Variants in POM121C observed in about 807,000 individuals in gnomAD.
POM121C encodes nuclear envelope pore membrane protein POM 121C.
Under a neutral mutation model 66.4 loss-of-function variants are expected in POM121C, and 20 were observed. The ratio of observed to expected loss-of-function variants is 0.30; its 90% CI spans 0.21 to 0.44. The LOEUF (loss-of-function observed/expected upper bound fraction) is 0.44, where lower values mean the gene tolerates loss of function less well. Ranked by LOEUF, POM121C falls within the 20% of genes least tolerant of loss-of-function variation. POM121C has a pLI of 1.00. For missense variants in POM121C, 580 were observed against 1,225.7 expected, an observed-to-expected ratio of 0.47 and a Z score of 7.87; for synonymous variants, 286 against 528.0, an observed-to-expected ratio of 0.54 and a Z score of 6.28.
intron 3 of POM121C, chr7:75,442,088 C>A: frequency 7.3e-7 from 1 of 1,364,522 alleles, no homozygotes; most frequent in East Asian, 2.8e-5. Context: ...AAAGTCAAGT[C>A]CTCGATTTCA....
rs1163514076 is a variant in POM121C, at chr7:75,417,211, A to ATTAT, written c.*1581_*1584dup. ...GGGGCACCGGTTACATCTACATCAC[A>ATTAT]TTATTTATAAAATAAGAATTACATT... On this transcript the variant is annotated 3_prime_UTR_variant, in exon 15 of 15. Transcript: ENST00000615331. 1.0e-6 allele frequency: 1 copy of ATTAT among 955,756 alleles called. No homozygotes were observed. Among genetic ancestry groups the ATTAT allele is most frequent in the Non-Finnish European group, 1.2e-6 (1 of 801,490 alleles). 59.2% of individuals were successfully genotyped at this position (955,756 alleles called of 1,614,324 possible). A position where few individuals can be genotyped will look rare whatever the true frequency, so the allele number is the denominator to read the frequency against.
intron 3 of POM121C, among the ~76,000 whole-genome samples, chr7:75,474,027 G>A (rs1791974876): frequency 6.6e-6 from 1 of 152,116 alleles, no homozygotes; most frequent in Non-Finnish European, 1.5e-5. Flanking sequence ...GAAAGAAAAT[G>A]GAAGATAAAA....
chr7:75,421,628 G>A lies in POM121C; in HGVS notation c.2624C>T (p.Thr875Ile), dbSNP rs782082020. ...CCCTGTGAAGGGGGTGGAGGTGGCT[G>A]TGCTCCCACTCTGTCCTGCTCCAAA... ...FSFGAGQSGS[T>I]ATSTPFTGGL... Residue 875 changes from threonine (T) to isoleucine (I), a missense_variant, in exon 13 of 15, where the codon ACA becomes ATA. Coordinates refer to ENST00000615331, the MANE Select transcript of POM121C (RefSeq NM_001099415.3). The A allele has an allele frequency of 3.7e-6, 6 of 1,613,464 alleles. No individual in the cohort carries two copies. In the East Asian group the frequency reaches 8.9e-5, roughly 24 times the overall value.
rs372258245 is a variant in POM121C at position 75,439,239 on chromosome 7, A to G, written c.228-15T>C. ...TATCATGGCGCCTGCGACAAATCAA[A>G]AAAGTCTCAAATGAAATGACATGAC... is the stretch of plus-strand genomic sequence containing the variant. On this transcript the variant is annotated splice_polypyrimidine_tract_variant and intron_variant, in intron 5 of 14. Coordinates refer to ENST00000615331, the MANE Select transcript of POM121C (RefSeq NM_001099415.3). 2 of 1,614,210 alleles carry G rather than the reference A, an allele frequency of 1.2e-6. No homozygotes were observed. Among genetic ancestry groups the G allele is most frequent in the Non-Finnish European group, 1.7e-6 (2 of 1,180,004 alleles).
At chr7:75,440,909 G>A (rs1554473837) in intron 5 of POM121C, 45 bp downstream of exon 5, 1 of 1,613,710 alleles carries the variant, frequency 6.2e-7, no homozygotes, top group Admixed American at 1.7e-5. Context: ...CATCCCATAG[G>A]GGTCCAAGCG....
At chr7:75,454,953 T>C (rs1490045583) in intron 3 of POM121C, among the ~76,000 whole-genome samples, 1 of 152,220 alleles carries the variant, frequency 6.6e-6, no homozygotes. Flanking sequence ...GATTGAATGG[T>C]CTCGAGCTGC....
At chr7:75,427,981 A>G (rs2116352964) in intron 7 of POM121C, among the ~76,000 whole-genome samples, 1 of 152,342 alleles carries the variant, frequency 6.6e-6, no homozygotes, top group South Asian at 2.1e-4. Flanking sequence ...GCCAGAGCAC[A>G]ATGGTTTAAA....
intron 6 of POM121C, 111 bp downstream of exon 6, chr7:75,439,033 C>T (rs1236425144): frequency 8.3e-7 from 1 of 1,202,780 alleles, no homozygotes; most frequent in Non-Finnish European, 1.2e-6. Context: ...AGACATGAAC[C>T]TGAACTAATT....
At chr7:75,450,818 T>C (rs1351145713) in intron 3 of POM121C, among the ~76,000 whole-genome samples, 7 of 152,348 alleles carry the variant, frequency 4.6e-5, no homozygotes, top group African/African-American at 1.4e-4. Flanking sequence ...AGTTACTACC[T>C]TGCAATATTC....
chr7:75,430,853 G>GA (rs1413746319), intron 7 of POM121C, among the ~76,000 whole-genome samples: 4 of 152,078 alleles, frequency 2.6e-5, no homozygotes, highest in Non-Finnish European at 5.9e-5. Flanking sequence ...GAGGTGGGCA[G>GA]ATCATGAGGT....
In POM121C at chr7:75,424,054, C is replaced by A. The variant is rs587740924; in HGVS notation, c.1043G>T (p.Cys348Phe). ...KMQTPPSLPPCPESAGAATTE... is the reference protein window; with the variant it reads ...KMQTPPSLPPFPESAGAATTE... ...ACGGCCCCACTCCAGCTCACCTGGGCAGGGTGGCAGGCTCGGGGGAGTCTG... is the reference window on the plus strand; with the variant it reads ...ACGGCCCCACTCCAGCTCACCTGGGAAGGGTGGCAGGCTCGGGGGAGTCTG... The change falls in exon 12 of 15, where the codon TGC becomes TTC. Residue 348 changes from cysteine (C) to phenylalanine (F), a missense_variant. Coordinates refer to ENST00000615331, the MANE Select transcript of POM121C (RefSeq NM_001099415.3). 1 of 1,611,368 alleles carries A rather than the reference C, an allele frequency of 6.2e-7. No individual in the cohort carries two copies. The highest frequency in any genetic ancestry group is 1.3e-5 in the African/African-American group (1 of 74,882).
chr7:75,424,167 A>G lies in POM121C; in HGVS notation c.930T>C (p.Phe310=). The G allele has an allele frequency of 6.2e-7, 1 of 1,612,018 alleles. No individual in the cohort carries two copies. Among genetic ancestry groups the G allele is most frequent in the Non-Finnish European group, 8.5e-7 (1 of 1,179,856 alleles). The change falls in exon 12 of 15, where the codon TTT becomes TTC. Residue 310 remains phenylalanine (F), a synonymous_variant. Coordinates refer to ENST00000615331, the MANE Select transcript of POM121C (RefSeq NM_001099415.3). ...AGGCAGTTGCAGCAGCAGGCAGGGT[A>G]AAGGTAAATGAAGGCTGAGTGGTAG... The part of the protein sequence containing the change: ...TPPTTQPSFT[F]TLPAAATASP...
chr7:75,451,008 A>G (rs1303278755), intron 3 of POM121C, among the ~76,000 whole-genome samples: 1 of 152,126 alleles, frequency 6.6e-6, no homozygotes, highest in Non-Finnish European at 1.5e-5. Flanking sequence ...ACTACAAACC[A>G]CTGCTCAAGG....
intron 1 of POM121C, among the ~76,000 whole-genome samples, chr7:75,479,815 T>C (rs1358270783): frequency 6.6e-6 from 1 of 152,050 alleles, no homozygotes; most frequent in Non-Finnish European, 1.5e-5. Context: ...GAATAAACTA[T>C]GACAATTAAA....
chr7:75,464,856 C>CAAAAAAAAAAAAAAAAAAAAAAAAAAAA (rs35562594), intron 3 of POM121C, among the ~76,000 whole-genome samples: 3 of 28,782 alleles, frequency 1.0e-4, no homozygotes, highest in African/African-American at 2.2e-4. Flanking sequence ...AACTCCATCT[C>CAAAAAAAAAAAAAAAAAAAAAAAAAAAA]AAAAAAAAAA....
At chr7:75,431,166 T>C (rs1177495351) in intron 7 of POM121C, among the ~76,000 whole-genome samples, 5 of 151,474 alleles carry the variant, frequency 3.3e-5, no homozygotes, top group African/African-American at 1.2e-4. Flanking sequence ...AAACAGTTGG[T>C]ATTTCAGTAA....
chr7:75,470,144 G>C (rs1791813975), intron 3 of POM121C, among the ~76,000 whole-genome samples: 2 of 145,578 alleles, frequency 1.4e-5, no homozygotes, highest in African/African-American at 5.1e-5. Context: ...TCGAACTCCT[G>C]AACTCGGCCT....
At chr7:75,473,109 G>A (rs1485811447) in intron 3 of POM121C, among the ~76,000 whole-genome samples, 1 of 152,200 alleles carries the variant, frequency 6.6e-6, no homozygotes, top group African/African-American at 2.4e-5. Context: ...CAGAATTCAT[G>A]ATTTTGGAAT....
At chr7:75,431,977 C>T (rs1216977229) in intron 7 of POM121C, among the ~76,000 whole-genome samples, 1 of 151,794 alleles carries the variant, frequency 6.6e-6, no homozygotes, top group Non-Finnish European at 1.5e-5. Context: ...GTTAGGAGTT[C>T]GAGACCAGAC....
Sources: gnomAD v4.1 joint callset for allele counts (sites outside exome capture counted in the v4.1 genomes callset) on GRCh38, gnomAD v4.1.1 for gene constraint, MANE v1.5 for transcripts, NCBI Gene and HGNC (gene_info 2026-07-23, HGNC 2026-07-21) for gene names.